HCFC1: variants seen among roughly 807,000 people sequenced by gnomAD.
HCFC1 encodes host cell factor C1, also known as host cell factor 1.
Under a neutral mutation model 105.5 loss-of-function variants are expected in HCFC1, and 7 were observed. That is an observed-to-expected ratio of 0.07 (90% CI 0.04 to 0.12). The LOEUF (loss-of-function observed/expected upper bound fraction) is 0.12, where lower values mean the gene tolerates loss of function less well. Ranked by LOEUF, HCFC1 falls within the 10% of genes least tolerant of loss-of-function variation. The pLI is 1.00. For synonymous variants in HCFC1, 918 were observed against 828.1 expected, an observed-to-expected ratio of 1.11 and a Z score of -1.86; for missense variants, 1,065 against 1,823.6, an observed-to-expected ratio of 0.58 and a Z score of 7.58.
Position 153,954,241 on chromosome X carries a change from G to A in HCFC1, c.4158C>T (p.Thr1386=), listed in dbSNP as rs782136932. The A allele has an allele frequency of 4.6e-5, 56 of 1,205,303 alleles. No individual in the cohort carries two copies. Among genetic ancestry groups the A allele is most frequent in the Non-Finnish European group, 5.9e-5 (53 of 892,320 alleles). ...CCGCCACCTCTAGGCCAGACTCCAC[G>A]GTCCTGTGGGAAGAAGTGGCGTCGG... The part of the protein sequence containing the change: ...LLPDATSSHR[T]VESGLEVAAA... The change falls in exon 17 of 26, where the codon ACC becomes ACT. Residue 1386 remains threonine, a synonymous_variant. Coordinates refer to ENST00000310441, the MANE Select transcript of HCFC1 (RefSeq NM_005334.3).
At position 153,951,852 on chromosome X, in the gene HCFC1, G is replaced by A. The variant is rs782156955; in HGVS notation, c.5249C>T (p.Thr1750Met). The change falls in exon 20 of 26, where the codon ACG becomes ATG. Residue 1750 changes from threonine (T) to methionine (M), a missense_variant. Physicochemically the swap from Thr to Met is moderately conservative, Grantham distance 81 (BLOSUM62 -1). Transcript: ENST00000310441. ...VPSTVALLPSTATESLAPSNT... is the reference protein window; with the variant it reads ...VPSTVALLPSMATESLAPSNT... ...CCTCAGTCGCTTACTCTCAGTGGCCGTTGAGGGCAGCAGCGCCACAGTGCT... is the reference window on the plus strand; with the variant it reads ...CCTCAGTCGCTTACTCTCAGTGGCCATTGAGGGCAGCAGCGCCACAGTGCT... 2.1e-5 allele frequency: 25 copies of A among 1,192,425 alleles called. No homozygotes were observed. Among genetic ancestry groups the A allele is most frequent in the Non-Finnish European group, 1.9e-5 (17 of 884,788 alleles).
In HCFC1 at chrX:153,949,020, C is replaced by T. The variant is rs148929219; in HGVS notation, c.*327G>A. 1,251 of 181,916 alleles carry T rather than the reference C, an allele frequency of 6.9e-3. 9 individuals are homozygous for T. Among genetic ancestry groups the T allele is most frequent in the Middle Eastern group, 9.9e-3 (5 of 505 alleles). The allele number at this position is 181,916 out of a possible 1,213,427, so 15.0% of individuals were successfully genotyped here. On this transcript the variant is annotated 3_prime_UTR_variant, in exon 26 of 26. Transcript: ENST00000310441. ...CGACCTGGCCCTCAGGAACGCACAG[C>T]CTTGGGAGGGCGGAGCTGGCTGTCC...
chrX:153,953,779 G>GGGC lies in HCFC1; in HGVS notation c.4334-10_4334-9insGCC, dbSNP rs1557113402. 2.2e-5 allele frequency: 26 copies of GGGC among 1,195,676 alleles called. No homozygotes were observed. The highest frequency in any genetic ancestry group is 2.8e-5 in the Non-Finnish European group (25 of 888,179). Reference sequence around the variant, plus strand: ...GGCAGCAGGTGGGGGGTCTGTGGGGGCGACAGGCAGGCGGCTGCTCAGCAG... The same window carrying GGGC: ...GGCAGCAGGTGGGGGGTCTGTGGGGGGGCCGACAGGCAGGCGGCTGCTCAGCAG... On this transcript the variant is annotated splice_polypyrimidine_tract_variant and intron_variant, in intron 17 of 25. Transcript: ENST00000310441.
chrX:153,960,940 G>A (rs2065423903), intron 6 of HCFC1, among the ~76,000 whole-genome samples: 1 of 112,691 alleles, frequency 8.9e-6, no homozygotes, highest in Non-Finnish European at 1.9e-5. Context: ...CAGCCTCTGT[G>A]CAGGGCAGTT....
At chrX:153,953,506 G>T in intron 18 of HCFC1, 101 bp downstream of exon 18, 1 of 874,923 alleles carries the variant, frequency 1.1e-6, no homozygotes. Context: ...ACCAGGAGCG[G>T]CCCCATGCCT....
rs782354655 is a variant in HCFC1, at chrX:153,962,297, G to A, written c.722C>T (p.Thr241Met). The stretch of plus-strand genomic sequence containing the variant: ...CCCGCTGAGACTGGGCTTATTCCAC[G>A]TCAGGGTGTCTGCAGAGAGACGGAG... Reference protein sequence around the residue: ...DLWTLDIDTLTWNKPSLSGVA... With the variant: ...DLWTLDIDTLMWNKPSLSGVA... Residue 241 changes from threonine to methionine, a missense_variant, in exon 5 of 26, where the codon ACG becomes ATG. Around this residue, in one of 17 missense-constraint regions of HCFC1, gnomAD observed 13 missense variants for 16.0 expected, o/e 0.81. Coordinates refer to ENST00000310441, the MANE Select transcript of HCFC1 (RefSeq NM_005334.3). 2.4e-5 allele frequency: 29 copies of A among 1,203,026 alleles called. No individual in the cohort carries two copies. Among genetic ancestry groups the A allele is most frequent in the African/African-American group, 1.7e-5 (1 of 57,177 alleles).
At chrX:153,959,743 G>A (rs781849916) in intron 8 of HCFC1, 59 bp downstream of exon 8, 43 of 1,135,450 alleles carry the variant, frequency 3.8e-5, no homozygotes, top group African/African-American at 9.2e-5. Context: ...CTACTTGGCC[G>A]CTGCCTCTCC....
chrX:153,960,423 G>A lies in HCFC1; in HGVS notation c.905-9C>T, dbSNP rs782717159. The A allele has an allele frequency of 4.3e-6, 5 of 1,162,847 alleles. No individual in the cohort carries two copies. Among genetic ancestry groups the A allele is most frequent in the Middle Eastern group, 4.8e-4 (2 of 4,179 alleles). On this transcript the variant is annotated splice_polypyrimidine_tract_variant and intron_variant, in intron 6 of 25. Coordinates refer to ENST00000310441, the MANE Select transcript of HCFC1 (RefSeq NM_005334.3). ...CTCCCAGGCCATGGTATCTGGGGGA[G>A]GGCAGACAAGGGAGGTCAGCAAGGA...
chrX:153,970,494 G>A (rs1442055470), intron 1 of HCFC1, among the ~76,000 whole-genome samples, 154 bp downstream of exon 1: 4 of 95,098 alleles, frequency 4.2e-5, no homozygotes, highest in African/African-American at 1.2e-4. Flanking sequence ...GGTAAGGGAG[G>A]AGGGGAGAGA....
intron 2 of HCFC1, 108 bp from the exon 3 acceptor site, chrX:153,964,392 C>T (rs2065456960): frequency 1.1e-6 from 1 of 920,990 alleles, no homozygotes; most frequent in East Asian, 3.2e-5. Flanking sequence ...AGCGAGGTGC[C>T]TTGCTGGAGC....
At chrX:153,962,152 G>C (rs1435330371) in intron 5 of HCFC1, 70 bp downstream of exon 5, 2 of 848,382 alleles carry the variant, frequency 2.4e-6, no homozygotes, top group Non-Finnish European at 3.5e-6. Context: ...GGACAAAACT[G>C]AGTGAGAGCC....
At chrX:153,949,990 C>T (rs781892793) in intron 24 of HCFC1, among the ~76,000 whole-genome samples, 1 of 111,708 alleles carries the variant, frequency 9.0e-6, no homozygotes, top group South Asian at 3.7e-4. Flanking sequence ...GCCTGGAAAC[C>T]TACACTTTCC....
Position 153,970,882 on chromosome X carries a change from G to C in HCFC1, c.-42C>G, listed in dbSNP as rs975858047. The stretch of plus-strand genomic sequence containing the variant: ...GCGGTGGGGAGAAGTCAACAAGCGG[G>C]AAGGGAGCCCCTCAATTCCTTTCAC... On this transcript the variant is annotated 5_prime_UTR_variant, in exon 1 of 26. Transcript: ENST00000310441. The C allele has an allele frequency of 9.4e-7, 1 of 1,067,653 alleles. No individual in the cohort carries two copies. Among genetic ancestry groups the C allele is most frequent in the Admixed American group, 3.6e-5 (1 of 28,158 alleles). The allele number at this position is 1,067,653 out of a possible 1,213,427, so 88.0% of individuals were successfully genotyped here.
At chrX:153,963,504 T>C (rs2065448107) in intron 3 of HCFC1, 71 bp from the exon 4 acceptor site, 1 of 733,397 alleles carries the variant, frequency 1.4e-6, no homozygotes, top group Admixed American at 2.6e-5. Flanking sequence ...TGGCTATCAG[T>C]GAGTGGCAGC....
At chrX:153,962,174 G>A in intron 5 of HCFC1, 48 bp downstream of exon 5, 2 of 1,013,266 alleles carry the variant, frequency 2.0e-6, no homozygotes, top group Non-Finnish European at 1.4e-6. Flanking sequence ...TTCGGGGGAG[G>A]GGCCACGCCA....
In HCFC1 at chrX:153,959,313, C is replaced by T. The variant is rs1557116027; in HGVS notation, c.1605+18G>A. ...GGATCAACAGGAAATCCCACCCGCC[C>T]CAGTGACCACTCCTCACCGTTCCCT... is the stretch of plus-strand genomic sequence containing the variant. On this transcript the variant is annotated intron_variant, in intron 9 of 25. Coordinates refer to ENST00000310441, the MANE Select transcript of HCFC1 (RefSeq NM_005334.3). The T allele has an allele frequency of 1.7e-6, 2 of 1,185,895 alleles. No individual in the cohort carries two copies. Among genetic ancestry groups the T allele is most frequent in the African/African-American group, 3.6e-5 (2 of 56,117 alleles).
intron 25 of HCFC1, 38 bp from the exon 26 acceptor site, chrX:153,949,424 G>C (rs1241648061): frequency 2.6e-6 from 3 of 1,173,284 alleles, no homozygotes; most frequent in East Asian, 3.0e-5. Context: ...AGTTAGTGTG[G>C]GCCCTGCACC....
chrX:153,950,188 C>T (rs1557112023), intron 24 of HCFC1, 55 bp downstream of exon 24: 3 of 1,063,690 alleles, frequency 2.8e-6, no homozygotes, highest in African/African-American at 1.9e-5. Flanking sequence ...CCTCCTGCTG[C>T]ACCCGGCTTC....
rs1715955651 is a variant in HCFC1, at chrX:153,949,612, G to A, written c.6009C>T (p.Thr2003=). 8.3e-7 allele frequency: 1 copy of A among 1,209,135 alleles called. No individual in the cohort carries two copies. The highest frequency in any genetic ancestry group is 1.1e-6 in the Non-Finnish European group (1 of 892,905). ...PATQVRWLQE[T]SKDSSGTKPA... is the part of the protein sequence containing the mutation. ...GCTTGGTGCCAGAGCTGTCTTTACT[G>A]GTTTCTGGAAGGAACGGGAGAGATG... Residue 2003 remains threonine (T), a synonymous_variant, in exon 25 of 26, where the codon ACC becomes ACT. Coordinates refer to ENST00000310441, the MANE Select transcript of HCFC1 (RefSeq NM_005334.3).
Sources: gnomAD v4.1 joint callset for allele counts (sites outside exome capture counted in the v4.1 genomes callset) on GRCh38, gnomAD v4.1.1 for gene constraint, gnomAD v4.1.1 regional missense constraint, MANE v1.5 for transcripts, NCBI Gene and HGNC (gene_info 2026-07-23, HGNC 2026-07-21) for gene names.